MCC: variants seen among roughly 807,000 people sequenced by gnomAD.
MCC encodes colorectal mutant cancer protein.
Under a neutral mutation model 116.2 loss-of-function variants are expected in MCC, and 90 were observed. That is an observed-to-expected ratio of 0.77 (90% CI 0.65 to 0.92). The LOEUF is 0.92. Among genes scored for constraint, MCC ranks in the 40% least tolerant of loss-of-function variants. The probability of loss-of-function intolerance (pLI) is 0.00; values close to 1 mark genes in which losing one functional copy is unlikely to be tolerated. For missense variants in MCC, 1,516 were observed against 1,312.2 expected, an observed-to-expected ratio of 1.16 and a Z score of -2.40; for synonymous variants, 578 against 510.5, an observed-to-expected ratio of 1.13 and a Z score of -1.78.
intron 17 of MCC, among the ~76,000 whole-genome samples, chr5:113,039,163 C>A (rs970204524): frequency 2.6e-5 from 4 of 152,242 alleles, no homozygotes; most frequent in Non-Finnish European, 5.9e-5. Flanking sequence ...AGCGCACCTA[C>A]TTCCTGCCTC....
At chr5:113,371,233 G>GT (rs1768830308) in intron 2 of MCC, among the ~76,000 whole-genome samples, 1 of 152,046 alleles carries the variant, frequency 6.6e-6, no homozygotes, top group Non-Finnish European at 1.5e-5. Context: ...AAAACAGAAA[G>GT]TAAAAAAAGA....
intron 6 of MCC, among the ~76,000 whole-genome samples, chr5:113,105,114 A>C (rs1340022324): frequency 6.6e-6 from 1 of 152,234 alleles, no homozygotes; most frequent in Non-Finnish European, 1.5e-5. Flanking sequence ...AGTCAAATAC[A>C]AATTTTGTAA....
chr5:113,456,095 A>G (rs1413205820), intron 1 of MCC, among the ~76,000 whole-genome samples: 1 of 152,226 alleles, frequency 6.6e-6, no homozygotes, highest in African/African-American at 2.4e-5. Flanking sequence ...AAATAATAAA[A>G]TAAAACCGTA....
At chr5:113,229,876 C>T (rs976330651) in intron 3 of MCC, among the ~76,000 whole-genome samples, 10 of 152,154 alleles carry the variant, frequency 6.6e-5, no homozygotes, top group Non-Finnish European at 1.5e-4. Flanking sequence ...TAGACTGTGC[C>T]GTCTAAATTT....
rs757539653 is a variant in MCC at position 113,085,232 on chromosome 5, G to C, written c.1477C>G (p.Arg493Gly). 1 of 1,614,200 alleles carries C rather than the reference G, an allele frequency of 6.2e-7. No individual in the cohort carries two copies. Among genetic ancestry groups the C allele is most frequent in the South Asian group, 1.1e-5 (1 of 91,086 alleles). The stretch of plus-strand genomic sequence containing the variant: ...TCCCCAGTGCTGGGGTTAATCGGGC[G>C]GTTGGTGGAAGTGAGGCGGCCAGGG... ...SSPGRLTSTNRPINPSTGELS... is the reference protein window; with the variant it reads ...SSPGRLTSTNGPINPSTGELS... Residue 493 changes from arginine (R) to glycine (G), a missense_variant, in exon 9 of 19, where the codon CGC becomes GGC. Arg to Gly is a moderately radical substitution (Grantham distance 125). Transcript: ENST00000408903.
chr5:113,354,167 T>C (rs1768351328), intron 2 of MCC, among the ~76,000 whole-genome samples: 1 of 152,202 alleles, frequency 6.6e-6, no homozygotes, highest in African/African-American at 2.4e-5. Context: ...TATCTGTCAC[T>C]GTCTAGCAGA....
At chr5:113,089,826 G>T (rs984234495) in intron 8 of MCC, among the ~76,000 whole-genome samples, 1 of 152,178 alleles carries the variant, frequency 6.6e-6, no homozygotes, top group Non-Finnish European at 1.5e-5. Context: ...ACCCAAACTT[G>T]TAGCTGGGGT....
At chr5:113,260,774 A>T (rs1157376263) in intron 3 of MCC, among the ~76,000 whole-genome samples, 2 of 151,918 alleles carry the variant, frequency 1.3e-5, no homozygotes, top group Non-Finnish European at 2.9e-5. Context: ...CGAAAAGTAC[A>T]TTATTAATAT....
chr5:113,357,106 A>T lies in MCC; in HGVS notation c.416-16376T>A, dbSNP rs1768432599. On this transcript the variant is annotated intron_variant, in intron 2 of 18. Transcript: ENST00000408903. The stretch of plus-strand genomic sequence containing the variant: ...GACATCAAGCAAGTTATTTAGCCTC[A>T]GTTTCTTAATGTTTAAAATAGGGAT... Among the ~76,000 whole-genome samples, 2 of 152,210 alleles carry T rather than the reference A, an allele frequency of 1.3e-5. 1 individual carries two copies. The highest frequency in any genetic ancestry group is 4.1e-4 in the South Asian group (2 of 4,826).
Position 113,466,287 on chromosome 5 carries a change from C to T in MCC, c.170+21958G>A, listed in dbSNP as rs188844930. On this transcript the variant is annotated intron_variant, in intron 1 of 18. Coordinates refer to ENST00000408903, the MANE Select transcript of MCC (RefSeq NM_001085377.2). The stretch of plus-strand genomic sequence containing the variant: ...CATGCTGGTGTGCTGCACCCACCAA[C>T]TCGTCATTTAGCATTAGGTATATCT... 3.4e-4 allele frequency among the ~76,000 whole-genome samples: 51 copies of T among 151,094 alleles called. No individual in the cohort carries two copies. The East Asian group carries it at 9.7e-3, about 29-fold the overall frequency.
intron 1 of MCC, among the ~76,000 whole-genome samples, chr5:113,402,488 G>C (rs1769720546): frequency 6.6e-6 from 1 of 151,894 alleles, no homozygotes; most frequent in Non-Finnish European, 1.5e-5. Flanking sequence ...AGCACATGGA[G>C]GATTTTTTTT....
chr5:113,284,740 G>A (rs1414846883), intron 3 of MCC, among the ~76,000 whole-genome samples: 1 of 152,142 alleles, frequency 6.6e-6, no homozygotes, highest in Non-Finnish European at 1.5e-5. Context: ...ATGTTTGCCA[G>A]GCAATTTTCT....
chr5:113,482,881 T>A (rs529178368), intron 1 of MCC, among the ~76,000 whole-genome samples: 3 of 152,212 alleles, frequency 2.0e-5, no homozygotes, highest in African/African-American at 7.2e-5. Flanking sequence ...TTAATAGTTA[T>A]AGTTCTTACA....
chr5:113,392,052 A>T (rs1769415711), intron 1 of MCC, among the ~76,000 whole-genome samples: 1 of 152,166 alleles, frequency 6.6e-6, no homozygotes, highest in Non-Finnish European at 1.5e-5. Flanking sequence ...TGCAATAAGG[A>T]AAATATAACA....
chr5:113,346,251 T>G (rs983489221), intron 2 of MCC, among the ~76,000 whole-genome samples: 21 of 151,968 alleles, frequency 1.4e-4, no homozygotes, highest in Non-Finnish European at 2.9e-5. Context: ...AGGGTAAATC[T>G]AAGAGGTATT....
intron 13 of MCC, among the ~76,000 whole-genome samples, chr5:113,065,325 C>G (rs1044880794): frequency 2.6e-5 from 4 of 152,180 alleles, no homozygotes; most frequent in African/African-American, 9.6e-5. Context: ...GTGCCTTCCT[C>G]TCAGTTTTGC....
At chr5:113,105,753 T>G (rs1401606170) in intron 6 of MCC, among the ~76,000 whole-genome samples, 1 of 152,202 alleles carries the variant, frequency 6.6e-6, no homozygotes, top group Non-Finnish European at 1.5e-5. Context: ...CTCCTGCCTC[T>G]ACTCTCCACG....
intron 3 of MCC, among the ~76,000 whole-genome samples, chr5:113,210,970 C>T (rs1328635531): frequency 6.6e-6 from 1 of 152,152 alleles, no homozygotes; most frequent in Non-Finnish European, 1.5e-5. Context: ...TGTAAATTAG[C>T]TCAATGGAGG....
At chr5:113,102,275 T>C (rs921329029) in intron 7 of MCC, among the ~76,000 whole-genome samples, 1 of 152,172 alleles carries the variant, frequency 6.6e-6, no homozygotes, top group African/African-American at 2.4e-5. Flanking sequence ...AGTTCCAGAG[T>C]TGGTGGATAC....
Sources: allele counts gnomAD v4.1 joint callset (sites outside exome capture counted in the v4.1 genomes callset), GRCh38; gene constraint gnomAD v4.1.1; transcripts MANE v1.5; gene names NCBI Gene and HGNC (gene_info 2026-07-23, HGNC 2026-07-21).